LRRC7: variants seen among roughly 807,000 people sequenced by gnomAD.
LRRC7 encodes the protein leucine rich repeat containing 7.
LRRC7 carries 23 observed loss-of-function variants against 175.7 expected under a neutral mutation model. That is an observed-to-expected ratio of 0.13 (90% CI 0.09 to 0.19). The LOEUF (loss-of-function observed/expected upper bound fraction) is 0.19, where lower values mean the gene tolerates loss of function less well. Ranked by LOEUF, LRRC7 falls within the 10% of genes least tolerant of loss-of-function variation. LRRC7 has a pLI of 1.00. For synonymous variants in LRRC7, 685 were observed against 680.9 expected (o/e 1.01, Z -0.09); for missense variants, 1,354 against 1,904.7 (o/e 0.71, Z 5.38).
At chr1:69,845,604 G>T (rs1682269682) in intron 7 of LRRC7, among the ~76,000 whole-genome samples, 1 of 151,772 alleles carries the variant, frequency 6.6e-6, no homozygotes, top group Non-Finnish European at 1.5e-5. Flanking sequence ...AGATTAATAT[G>T]TATTCTTAAC....
chr1:69,907,264 C>T (rs1033098205), intron 7 of LRRC7, among the ~76,000 whole-genome samples: 67 of 152,262 alleles, frequency 4.4e-4, no homozygotes, highest in Middle Eastern at 3.4e-3. Flanking sequence ...CCTTCTCCTG[C>T]CTAATTGCCC....
At chr1:69,712,066 A>G (rs1273974289) in intron 2 of LRRC7, among the ~76,000 whole-genome samples, 1 of 152,156 alleles carries the variant, frequency 6.6e-6, no homozygotes. Flanking sequence ...AAATGCCACT[A>G]AAAAGAGTTA....
chr1:69,636,621 G>A (rs1450795822), intron 1 of LRRC7, among the ~76,000 whole-genome samples: 6 of 151,816 alleles, frequency 4.0e-5, no homozygotes, highest in Admixed American at 3.9e-4. Context: ...GGCTATAAAG[G>A]GAATGTTTCT....
chr1:70,080,919 C>G (rs1173078394), intron 24 of LRRC7, among the ~76,000 whole-genome samples: 1 of 152,198 alleles, frequency 6.6e-6, no homozygotes, highest in Non-Finnish European at 1.5e-5. Flanking sequence ...TTAGATCTCT[C>G]CTTTGTGTCC....
At position 69,568,163 on chromosome 1, in the gene LRRC7, G is replaced by A. The variant is rs1646402267; in HGVS notation, c.-477G>A. Among the ~76,000 whole-genome samples the A allele has an allele frequency of 6.6e-6, 1 of 152,106 alleles. No individual in the cohort carries two copies. The highest frequency in any genetic ancestry group is 2.1e-4 in the South Asian group (1 of 4,820). On this transcript the variant is annotated 5_prime_UTR_variant, in exon 1 of 27. Transcript: ENST00000651989. ...TCGCCCTGCACAGGCGCGGCAACGGGCAGGGGTTGTTACGGAGTTGGGTGC... is the reference window on the plus strand; with the variant it reads ...TCGCCCTGCACAGGCGCGGCAACGGACAGGGGTTGTTACGGAGTTGGGTGC...
chr1:69,713,001 G>A (rs528616109), intron 2 of LRRC7, among the ~76,000 whole-genome samples: 16 of 152,206 alleles, frequency 1.1e-4, no homozygotes, highest in South Asian at 6.2e-4. Context: ...CTCCCTGAAC[G>A]TGGAGGGGCA....
intron 23 of LRRC7, among the ~76,000 whole-genome samples, chr1:70,060,612 T>A (rs1661506317): frequency 1.3e-5 from 2 of 152,050 alleles, no homozygotes; most frequent in African/African-American, 4.8e-5. Context: ...AAAAAATAGA[T>A]GGCAGAAAGT....
intron 25 of LRRC7, among the ~76,000 whole-genome samples, chr1:70,102,750 C>T (rs1664884348): frequency 6.6e-6 from 1 of 152,158 alleles, no homozygotes; most frequent in Non-Finnish European, 1.5e-5. Flanking sequence ...GACTCAGTCA[C>T]TTCATCTAAC....
chr1:69,816,065 C>G (rs2101171518), intron 4 of LRRC7, among the ~76,000 whole-genome samples: 1 of 152,056 alleles, frequency 6.6e-6, no homozygotes, highest in Middle Eastern at 3.4e-3. Context: ...ACTGCAATCC[C>G]CACCTCCTGG....
At chr1:69,828,911 A>G (rs1444097098) in intron 5 of LRRC7, among the ~76,000 whole-genome samples, 2 of 151,998 alleles carry the variant, frequency 1.3e-5, no homozygotes, top group African/African-American at 4.8e-5. Context: ...AAACTTCTAG[A>G]GTAAATGCAA....
At chr1:69,604,263 A>G (rs901824703) in intron 1 of LRRC7, among the ~76,000 whole-genome samples, 1 of 152,296 alleles carries the variant, frequency 6.6e-6, no homozygotes, top group African/African-American at 2.4e-5. Flanking sequence ...TGGCCAAGTC[A>G]TTCCATATTC....
chr1:69,750,703 C>T (rs1669767024), intron 2 of LRRC7, among the ~76,000 whole-genome samples: 1 of 152,182 alleles, frequency 6.6e-6, no homozygotes, highest in Non-Finnish European at 1.5e-5. Flanking sequence ...TGTCTTATTG[C>T]TGCATCCACT....
intron 11 of LRRC7, among the ~76,000 whole-genome samples, chr1:70,006,310 C>T (rs776309036): frequency 4.0e-4 from 61 of 151,596 alleles, no homozygotes; most frequent in South Asian, 4.2e-4. Flanking sequence ...CAGAGTAGTG[C>T]GGGACTGTAT....
intron 21 of LRRC7, among the ~76,000 whole-genome samples, chr1:70,040,202 C>A (rs2102031886): frequency 6.6e-6 from 1 of 152,260 alleles, no homozygotes; most frequent in Admixed American, 6.5e-5. Context: ...TGGATGGACT[C>A]ACTTATATTA....
chr1:69,895,232 CA>C (rs968827807), intron 7 of LRRC7, among the ~76,000 whole-genome samples: 3 of 151,184 alleles, frequency 2.0e-5, no homozygotes, highest in Admixed American at 2.0e-4. Context: ...AACTCCATCT[CA>C]AAAAAAACAA....
intron 1 of LRRC7, among the ~76,000 whole-genome samples, chr1:69,676,429 G>A (rs1257551631): frequency 1.3e-5 from 2 of 152,042 alleles, no homozygotes; most frequent in Admixed American, 6.6e-5. Flanking sequence ...TTTTCAAAAT[G>A]ATAAATACTA....
At chr1:69,925,709 G>T (rs914153521) in intron 7 of LRRC7, among the ~76,000 whole-genome samples, 1 of 151,934 alleles carries the variant, frequency 6.6e-6, no homozygotes, top group Non-Finnish European at 1.5e-5. Context: ...TATTAGTCTT[G>T]CTAGCGGTCT....
At chr1:69,882,019 A>T (rs1686664166) in intron 7 of LRRC7, among the ~76,000 whole-genome samples, 1 of 151,546 alleles carries the variant, frequency 6.6e-6, no homozygotes, top group Non-Finnish European at 1.5e-5. Flanking sequence ...GCAAAAAAAA[A>T]AAAAAAGCAA....
intron 1 of LRRC7, 150 bp from the exon 2 acceptor site, chr1:69,678,231 G>A (rs910062839): frequency 1.7e-5 from 10 of 583,638 alleles, no homozygotes; most frequent in South Asian, 1.1e-4. Context: ...TATGGTCCCC[G>A]ATGCTCCCTG....
Sources: gnomAD v4.1 joint callset for allele counts (sites outside exome capture counted in the v4.1 genomes callset) on GRCh38, gnomAD v4.1.1 for gene constraint, MANE v1.5 for transcripts, NCBI Gene and HGNC (gene_info 2026-07-23, HGNC 2026-07-21) for gene names.